SERPINB12: variants seen among roughly 807,000 people sequenced by gnomAD.
The protein encoded by SERPINB12 is serpin B12.
A neutral mutation model predicts 41.1 loss-of-function variants in SERPINB12; 57 were observed. The observed-to-expected ratio is 1.39, with a 90% confidence interval of 1.12 to 1.73. SERPINB12 has a LOEUF of 1.73. Among genes scored for constraint, SERPINB12 ranks in the 40% most tolerant of loss-of-function variants. The pLI, the probability that SERPINB12 is intolerant of heterozygous loss-of-function variation, is 0.00. For missense variants in SERPINB12, 536 were observed against 501.9 expected (o/e 1.07, Z -0.65); for synonymous variants, 180 against 181.3 (o/e 0.99, Z 0.06).
the SERPINB12 span, among the ~76,000 whole-genome samples, chr18:63,534,892 A>G: frequency 1.3e-5 from 2 of 152,206 alleles, no homozygotes; most frequent in Non-Finnish European, 2.9e-5. Context: ...ACACATTATG[A>G]CCAACAAAAG....
intron 1 of SERPINB12, among the ~76,000 whole-genome samples, 143 bp downstream of exon 1, chr18:63,542,635 T>C (rs888387920): frequency 6.6e-6 from 1 of 152,196 alleles, no homozygotes; most frequent in Non-Finnish European, 1.5e-5. Context: ...TTTGCTACTT[T>C]CTTTTTTAAA....
At chr18:63,521,759 C>G in the SERPINB12 span, among the ~76,000 whole-genome samples, 2 of 152,198 alleles carry the variant, frequency 1.3e-5, no homozygotes, top group Non-Finnish European at 2.9e-5. Flanking sequence ...TGAACACCTC[C>G]AGTAATGGAA....
rs1261553975 is a variant in SERPINB12, at chr18:63,564,139, T to C, written c.705+19T>C. Reference sequence around the variant, plus strand: ...AAATGCGGTAGTGTATCAGAACTCATGGTTTTCTAGCTAGCCAACTCATAA... The same window carrying C: ...AAATGCGGTAGTGTATCAGAACTCACGGTTTTCTAGCTAGCCAACTCATAA... On this transcript the variant is annotated intron_variant, in intron 6 of 7. Coordinates refer to ENST00000382768, the MANE Select transcript of SERPINB12 (RefSeq NM_001307928.2). 1.9e-6 allele frequency: 3 copies of C among 1,600,720 alleles called. No homozygotes were observed. The highest frequency in any genetic ancestry group is 2.6e-6 in the Non-Finnish European group (3 of 1,173,672).
chr18:63,525,405 C>T, the SERPINB12 span, among the ~76,000 whole-genome samples: 1 of 152,102 alleles, frequency 6.6e-6, no homozygotes, highest in Non-Finnish European at 1.5e-5. Flanking sequence ...CTTATACCAA[C>T]AGCTTATAAA....
At chr18:63,565,243 A>G (rs1009675512) in intron 6 of SERPINB12, among the ~76,000 whole-genome samples, 1 of 152,130 alleles carries the variant, frequency 6.6e-6, no homozygotes, top group Non-Finnish European at 1.5e-5. Context: ...ACAAAAAAAG[A>G]CACGGAAAGA....
At chr18:63,535,868 C>A in the SERPINB12 span, among the ~76,000 whole-genome samples, 1 of 151,940 alleles carries the variant, frequency 6.6e-6, no homozygotes, top group Admixed American at 6.6e-5. Flanking sequence ...TACACACATA[C>A]ACATGCATAT....
In SERPINB12 at chr18:63,557,518, G is replaced by GGA. The variant is rs1300966088; in HGVS notation, c.169-832_169-831dup. ...AACTCAGGCTGTTTCCCCTGAATATGGAGCAGTAGAATTTATGGATTAAGA... is the reference window on the plus strand; with the variant it reads ...AACTCAGGCTGTTTCCCCTGAATATGGAGAGCAGTAGAATTTATGGATTAAGA... On this transcript the variant is annotated intron_variant, in intron 2 of 7. Coordinates refer to ENST00000382768, the MANE Select transcript of SERPINB12 (RefSeq NM_001307928.2). Among the ~76,000 whole-genome samples, 9 of 152,314 alleles carry GGA rather than the reference G, an allele frequency of 5.9e-5. No individual in the cohort carries two copies. The East Asian group carries it at 1.7e-3, about 29-fold the overall frequency.
intron 1 of SERPINB12, among the ~76,000 whole-genome samples, chr18:63,549,656 T>C (rs1275387938): frequency 6.6e-6 from 1 of 152,158 alleles, no homozygotes; most frequent in Non-Finnish European, 1.5e-5. Flanking sequence ...ATAAAGATTG[T>C]AGGAATCTTT....
rs887496337 is a variant in SERPINB12, at chr18:63,549,372, GA to G, written c.-18-6766del. 3.1e-3 allele frequency among the ~76,000 whole-genome samples: 470 copies of G among 152,088 alleles called. 5 individuals carry two copies. The highest frequency in any genetic ancestry group is 0.011 in the African/African-American group (446 of 41,480). Reference sequence around the variant, plus strand: ...AGTTAAATCGTGAATCCCTTACTTGGAAAATATTATAGGCAAAAATATGATA... The same window carrying G: ...AGTTAAATCGTGAATCCCTTACTTGGAAATATTATAGGCAAAAATATGATA... On this transcript the variant is annotated intron_variant, in intron 1 of 7. Coordinates refer to ENST00000382768, the MANE Select transcript of SERPINB12 (RefSeq NM_001307928.2).
chr18:63,553,129 T>A (rs559459182), intron 1 of SERPINB12, among the ~76,000 whole-genome samples: 20 of 152,318 alleles, frequency 1.3e-4, no homozygotes, highest in South Asian at 2.1e-4. Flanking sequence ...ATCACAGTAC[T>A]CCTGGAAAGT....
intron 4 of SERPINB12, among the ~76,000 whole-genome samples, chr18:63,560,545 A>T (rs539772342): frequency 6.6e-6 from 1 of 152,370 alleles, no homozygotes; most frequent in East Asian, 1.9e-4. Context: ...TGGGTTTGGT[A>T]TATTACATTA....
intron 1 of SERPINB12, among the ~76,000 whole-genome samples, chr18:63,554,903 A>T (rs1368490827): frequency 2.0e-5 from 3 of 152,166 alleles, no homozygotes; most frequent in Non-Finnish European, 4.4e-5. Context: ...TTCTTGTGAT[A>T]GTGAGTGAAT....
intron 6 of SERPINB12, 71 bp downstream of exon 6, chr18:63,564,191 G>A (rs887393328): frequency 1.7e-5 from 25 of 1,456,600 alleles, no homozygotes; most frequent in Non-Finnish European, 2.2e-5. Context: ...TTTACAATAT[G>A]TATACTCGAA....
rs1599432098 is a variant in SERPINB12 at position 63,568,223 on chromosome 18, A to G, written c.*1212A>G. ...TATTGAGACCCTGACTCTACAAAAA[A>G]TACAGAAATTAGCCGGGCGTGGTGG... On this transcript the variant is annotated 3_prime_UTR_variant, in exon 8 of 8. Coordinates refer to ENST00000382768, the MANE Select transcript of SERPINB12 (RefSeq NM_001307928.2). Among the ~76,000 whole-genome samples the G allele has an allele frequency of 6.6e-6, 1 of 152,192 alleles. No individual in the cohort carries two copies. Among genetic ancestry groups the G allele is most frequent in the East Asian group, 1.9e-4 (1 of 5,198 alleles).
At position 63,559,690 on chromosome 18, in the gene SERPINB12, A is replaced by G. The variant is rs1433782745; in HGVS notation, c.416A>G (p.Tyr139Cys). ...DYTLSIANRL[Y>C]GEQEFPICQE... ...ACACTGAGTATTGCCAACAGGCTTT[A>G]TGGAGAGCAGGAATTCCCAATCTGT... The change falls in exon 4 of 8, where the codon TAT becomes TGT. Residue 139 changes from tyrosine to cysteine, a missense_variant. Coordinates refer to ENST00000382768, the MANE Select transcript of SERPINB12 (RefSeq NM_001307928.2). 7 of 1,613,964 alleles carry G rather than the reference A, an allele frequency of 4.3e-6. No homozygotes were observed. The highest frequency in any genetic ancestry group is 1.7e-5 in the Admixed American group (1 of 60,004).
At chr18:63,523,806 C>T in the SERPINB12 span, among the ~76,000 whole-genome samples, 1 of 152,118 alleles carries the variant, frequency 6.6e-6, no homozygotes, top group Non-Finnish European at 1.5e-5. Flanking sequence ...GAGAGAATTA[C>T]CATCCCAGCC....
intron 2 of SERPINB12, 134 bp from the exon 3 acceptor site, chr18:63,558,218 T>G: frequency 9.8e-7 from 1 of 1,018,866 alleles, no homozygotes; most frequent in Non-Finnish European, 1.4e-6. Flanking sequence ...GCACCCACTT[T>G]CCTTTAAACT....
the SERPINB12 span, among the ~76,000 whole-genome samples, chr18:63,524,629 G>C: frequency 6.6e-6 from 1 of 151,808 alleles, no homozygotes; most frequent in Admixed American, 6.6e-5. Flanking sequence ...TAAAACATTT[G>C]CAACGTGCTC....
At chr18:63,548,771 C>A (rs976411617) in intron 1 of SERPINB12, among the ~76,000 whole-genome samples, 2 of 151,282 alleles carry the variant, frequency 1.3e-5, no homozygotes, top group Non-Finnish European at 2.9e-5. Flanking sequence ...ATACAATTTT[C>A]TTTTTATTTT....
Sources: allele counts gnomAD v4.1 joint callset (sites outside exome capture counted in the v4.1 genomes callset), GRCh38; gene constraint gnomAD v4.1.1; transcripts MANE v1.5; gene names NCBI Gene and HGNC (gene_info 2026-07-23, HGNC 2026-07-21).